Variants in FSTL4 observed in about 807,000 individuals in gnomAD.
FSTL4 encodes follistatin like 4.
A neutral mutation model predicts 78.2 loss-of-function variants in FSTL4; 28 were observed. That is an observed-to-expected ratio of 0.36 (90% confidence interval 0.27 to 0.49). The LOEUF is 0.49. Among genes scored for constraint, FSTL4 ranks in the 20% least tolerant of loss-of-function variants. The pLI, the probability that FSTL4 is intolerant of heterozygous loss-of-function variation, is 0.98. For missense variants in FSTL4, 922 were observed against 1,084.9 expected (o/e 0.85, Z 2.11); for synonymous variants, 422 against 440.5 (o/e 0.96, Z 0.53).
intron 3 of FSTL4, among the ~76,000 whole-genome samples, chr5:133,448,346 C>T (rs1394355463): frequency 2.6e-5 from 4 of 152,204 alleles, no homozygotes; most frequent in African/African-American, 7.2e-5. Flanking sequence ...GCACCCACAC[C>T]GTCTGAAGGA....
chr5:133,243,329 T>A (rs771986478), intron 7 of FSTL4, among the ~76,000 whole-genome samples: 2 of 152,200 alleles, frequency 1.3e-5, no homozygotes, highest in South Asian at 2.1e-4. Flanking sequence ...TCTGTTTTTT[T>A]AAAAAAGAAT....
intron 3 of FSTL4, among the ~76,000 whole-genome samples, chr5:133,516,243 T>C (rs1758850092): frequency 6.6e-6 from 1 of 151,788 alleles, no homozygotes; most frequent in Admixed American, 6.6e-5. Flanking sequence ...TACAAGATAA[T>C]AGTCAAAAAA....
the FSTL4 span, among the ~76,000 whole-genome samples, chr5:133,723,075 C>T: frequency 1.5e-4 from 23 of 152,274 alleles, no homozygotes; most frequent in East Asian, 4.4e-3. Flanking sequence ...GGATCTAATG[C>T]ACAGGTGCAC....
intron 4 of FSTL4, among the ~76,000 whole-genome samples, chr5:133,333,430 T>C (rs1257545847): frequency 6.6e-6 from 1 of 152,170 alleles, no homozygotes; most frequent in South Asian, 2.1e-4. Flanking sequence ...CAGCTCTAAC[T>C]GTGATGGGAG....
intron 2 of FSTL4, among the ~76,000 whole-genome samples, chr5:133,603,101 T>C (rs1255837627): frequency 6.6e-6 from 1 of 152,088 alleles, no homozygotes; most frequent in Non-Finnish European, 1.5e-5. Context: ...CCCAGGTGGT[T>C]TTAATGGAAG....
chr5:133,396,106 A>C (rs905553861), intron 4 of FSTL4, among the ~76,000 whole-genome samples: 4 of 152,162 alleles, frequency 2.6e-5, no homozygotes, highest in African/African-American at 9.7e-5. Context: ...TCACAGGAGG[A>C]CCCACCACCC....
At chr5:133,689,758 C>T in the FSTL4 span, among the ~76,000 whole-genome samples, 1 of 152,120 alleles carries the variant, frequency 6.6e-6, no homozygotes, top group African/African-American at 2.4e-5. Flanking sequence ...ACTCTAAGTG[C>T]CCCAATAAAA....
At chr5:133,356,070 G>A (rs893053014) in intron 4 of FSTL4, among the ~76,000 whole-genome samples, 8 of 152,240 alleles carry the variant, frequency 5.3e-5, no homozygotes, top group Admixed American at 1.3e-4. Context: ...AGTTATAACT[G>A]CTGCCCAAAC....
chr5:133,221,053 C>A, intron 11 of FSTL4, 187 bp from the exon 12 acceptor site: 1 of 684,180 alleles, frequency 1.5e-6, no homozygotes, highest in Non-Finnish European at 2.7e-6. Flanking sequence ...CAGAGAGGGC[C>A]CCCCAGGACT....
chr5:133,568,752 G>A (rs1278602994), intron 2 of FSTL4, among the ~76,000 whole-genome samples: 1 of 152,164 alleles, frequency 6.6e-6, no homozygotes, highest in Non-Finnish European at 1.5e-5. Flanking sequence ...CCTGCTCCAA[G>A]GCCTGGCACC....
chr5:133,529,553 T>G (rs1234468563), intron 3 of FSTL4, among the ~76,000 whole-genome samples: 1 of 152,180 alleles, frequency 6.6e-6, no homozygotes, highest in Non-Finnish European at 1.5e-5. Flanking sequence ...AAATTTTAAT[T>G]TATTGAATTC....
intron 6 of FSTL4, among the ~76,000 whole-genome samples, chr5:133,278,424 G>A (rs1033698734): frequency 2.6e-5 from 4 of 152,186 alleles, no homozygotes; most frequent in African/African-American, 9.7e-5. Context: ...CCATTTTCAG[G>A]AGTCCCAGCT....
intron 3 of FSTL4, 115 bp downstream of exon 3, chr5:133,567,071 G>T (rs566558030): frequency 1.5e-5 from 12 of 789,270 alleles, no homozygotes; most frequent in Non-Finnish European, 2.3e-5. Flanking sequence ...AGAAAAGGCC[G>T]CATGAAATTT....
chr5:133,291,716 G>A (rs1027286171), intron 6 of FSTL4, among the ~76,000 whole-genome samples: 3 of 152,180 alleles, frequency 2.0e-5, no homozygotes, highest in Admixed American at 6.5e-5. Context: ...TAAGCCAACC[G>A]CAGGGCAAGA....
chr5:133,392,055 C>G (rs879496407), intron 4 of FSTL4, among the ~76,000 whole-genome samples: 1 of 152,138 alleles, frequency 6.6e-6, no homozygotes, highest in Admixed American at 6.5e-5. Context: ...AGCAGGACAG[C>G]ACCATGGTCA....
intron 6 of FSTL4, among the ~76,000 whole-genome samples, chr5:133,271,734 A>G (rs1174045064): frequency 6.6e-6 from 1 of 152,236 alleles, no homozygotes; most frequent in Non-Finnish European, 1.5e-5. Context: ...GTAACTAATT[A>G]TGACTGTGAC....
At chr5:133,643,316 G>A in the FSTL4 span, among the ~76,000 whole-genome samples, 4 of 152,140 alleles carry the variant, frequency 2.6e-5, no homozygotes, top group African/African-American at 9.7e-5. Context: ...TTGAAATTTT[G>A]CAATAAGCAA....
the FSTL4 span, among the ~76,000 whole-genome samples, chr5:133,722,234 C>A: frequency 2.0e-5 from 3 of 152,052 alleles, no homozygotes; most frequent in Non-Finnish European, 4.4e-5. Context: ...CTATAGTGAA[C>A]TGCATATGTG....
At chr5:133,667,237 G>GA in the FSTL4 span, among the ~76,000 whole-genome samples, 1 of 152,186 alleles carries the variant, frequency 6.6e-6, no homozygotes, top group African/African-American at 2.4e-5. Context: ...AATTCTGCTG[G>GA]CACCCCTCAA....
Sources: allele counts gnomAD v4.1 joint callset (sites outside exome capture counted in the v4.1 genomes callset), GRCh38; gene constraint gnomAD v4.1.1; transcripts MANE v1.5; gene names NCBI Gene and HGNC (gene_info 2026-07-23, HGNC 2026-07-21).